The following LHFPL3 variants were observed in gnomAD, a reference collection of about 807,000 sequenced individuals.
The protein encoded by LHFPL3 is LHFPL tetraspan subfamily member 3.
LHFPL3 carries 5 observed loss-of-function variants against 19.3 expected under a neutral mutation model. The ratio of observed to expected loss-of-function variants is 0.26; its 90% CI spans 0.14 to 0.54. The LOEUF (loss-of-function observed/expected upper bound fraction) is 0.54. Ranked by LOEUF, LHFPL3 falls within the 20% of genes least tolerant of loss-of-function variation. The pLI, the probability that LHFPL3 is intolerant of heterozygous loss-of-function variation, is 0.94. For missense variants in LHFPL3, 249 were observed against 307.4 expected, an observed-to-expected ratio of 0.81 and a Z score of 1.42; for synonymous variants, 133 against 126.2, an observed-to-expected ratio of 1.05 and a Z score of -0.36.
chr7:104,365,174 A>T (rs12534139), intron 1 of LHFPL3, among the ~76,000 whole-genome samples: 1 of 151,898 alleles, frequency 6.6e-6, no homozygotes, highest in Non-Finnish European at 1.5e-5. Context: ...TAGCACATGC[A>T]TGTAATCCCA....
intron 2 of LHFPL3, among the ~76,000 whole-genome samples, chr7:104,835,210 C>T (rs1456619150): frequency 6.6e-6 from 1 of 151,972 alleles, no homozygotes; most frequent in Non-Finnish European, 1.5e-5. Context: ...GATTGGTTTG[C>T]TGAGACTAAA....
intron 1 of LHFPL3, among the ~76,000 whole-genome samples, chr7:104,540,675 T>C (rs1006696566): frequency 3.3e-5 from 5 of 152,204 alleles, no homozygotes; most frequent in African/African-American, 9.6e-5. Flanking sequence ...TTCTCACATA[T>C]AGTAAGTCAT....
chr7:104,876,444 C>A (rs7458894), intron 2 of LHFPL3, among the ~76,000 whole-genome samples: 43,078 of 151,618 alleles, frequency 0.28, 6,235 homozygotes, highest in South Asian at 0.35. Flanking sequence ...AAAAAAACAA[C>A]CCCATCAAAA....
At chr7:104,621,424 T>G (rs1688015115) in intron 1 of LHFPL3, among the ~76,000 whole-genome samples, 1 of 152,208 alleles carries the variant, frequency 6.6e-6, no homozygotes, top group African/African-American at 2.4e-5. Flanking sequence ...ATTTGCACAC[T>G]GAATTACTTT....
chr7:104,552,033 C>T (rs1012588268), intron 1 of LHFPL3, among the ~76,000 whole-genome samples: 5 of 152,172 alleles, frequency 3.3e-5, no homozygotes, highest in African/African-American at 1.2e-4. Flanking sequence ...AGAGAAGTGG[C>T]CTGGCTGGGT....
intron 1 of LHFPL3, among the ~76,000 whole-genome samples, chr7:104,376,571 A>C (rs1257592704): frequency 1.3e-5 from 2 of 152,358 alleles, no homozygotes; most frequent in Admixed American, 6.5e-5. Context: ...CAGGATGATA[A>C]GATGGGCCTG....
chr7:104,567,440 C>A (rs1393198193), intron 1 of LHFPL3, among the ~76,000 whole-genome samples: 1 of 152,168 alleles, frequency 6.6e-6, no homozygotes, highest in Non-Finnish European at 1.5e-5. Flanking sequence ...TTTGTATATT[C>A]TTTTCTTTGA....
intron 1 of LHFPL3, among the ~76,000 whole-genome samples, chr7:104,531,948 T>A (rs535558341): frequency 3.3e-5 from 5 of 152,074 alleles, no homozygotes; most frequent in Non-Finnish European, 5.9e-5. Context: ...GGTTTAACAC[T>A]GGGCACACGA....
chr7:104,566,984 G>C (rs544131197), intron 1 of LHFPL3, among the ~76,000 whole-genome samples: 33 of 152,236 alleles, frequency 2.2e-4, no homozygotes, highest in Non-Finnish European at 4.0e-4. Context: ...TCACTCTTCT[G>C]TCAGCCTCCC....
intron 1 of LHFPL3, among the ~76,000 whole-genome samples, chr7:104,558,148 T>C (rs1249922313): frequency 3.8e-4 from 57 of 151,382 alleles, no homozygotes; most frequent in Non-Finnish European, 8.0e-4. Context: ...TACGTGTGCA[T>C]GTGTCTTTAT....
intron 1 of LHFPL3, among the ~76,000 whole-genome samples, chr7:104,469,800 T>A (rs1792870811): frequency 6.6e-6 from 1 of 152,216 alleles, no homozygotes; most frequent in African/African-American, 2.4e-5. Context: ...TTATTTTTTT[T>A]GTTGGTTAGA....
intron 1 of LHFPL3, among the ~76,000 whole-genome samples, chr7:104,486,398 A>G (rs972731240): frequency 6.6e-6 from 1 of 152,202 alleles, no homozygotes; most frequent in African/African-American, 2.4e-5. Flanking sequence ...TATAAATGAT[A>G]GAAATTTATT....
chr7:104,561,802 A>T (rs1399025200), intron 1 of LHFPL3, among the ~76,000 whole-genome samples: 1 of 152,010 alleles, frequency 6.6e-6, no homozygotes, highest in Non-Finnish European at 1.5e-5. Flanking sequence ...TTTTGGCATG[A>T]TTTTGCATTG....
intron 1 of LHFPL3, among the ~76,000 whole-genome samples, chr7:104,515,235 C>T (rs1793898654): frequency 6.6e-6 from 1 of 152,152 alleles, no homozygotes; most frequent in Admixed American, 6.6e-5. Context: ...TCCAAATGCC[C>T]AGGGGGATTA....
At chr7:104,734,338 C>T (rs1482009823) in intron 1 of LHFPL3, among the ~76,000 whole-genome samples, 2 of 152,186 alleles carry the variant, frequency 1.3e-5, no homozygotes, top group Non-Finnish European at 2.9e-5. Context: ...CCATTCTCCC[C>T]GTCACTTTAA....
intron 1 of LHFPL3, among the ~76,000 whole-genome samples, chr7:104,726,740 C>A (rs1010293317): frequency 6.6e-6 from 1 of 152,112 alleles, no homozygotes; most frequent in African/African-American, 2.4e-5. Flanking sequence ...CATTAATGGG[C>A]ATTTGGGTTG....
intron 2 of LHFPL3, among the ~76,000 whole-genome samples, chr7:104,762,249 A>T (rs1794383409): frequency 6.6e-6 from 1 of 152,224 alleles, no homozygotes; most frequent in Non-Finnish European, 1.5e-5. Context: ...AGAAGGACTC[A>T]ACTACAAGTG....
chr7:104,851,165 G>GT (rs892984863), intron 2 of LHFPL3, among the ~76,000 whole-genome samples: 1 of 152,194 alleles, frequency 6.6e-6, no homozygotes, highest in African/African-American at 2.4e-5. Flanking sequence ...TGACACATTA[G>GT]TTTTTGCTCC....
intron 1 of LHFPL3, among the ~76,000 whole-genome samples, chr7:104,520,159 G>A (rs1345101155): frequency 6.6e-6 from 1 of 151,954 alleles, no homozygotes; most frequent in African/African-American, 2.4e-5. Flanking sequence ...AGCATGAAGG[G>A]TTGTTGAATT....
Sources: gnomAD v4.1 joint callset for allele counts (sites outside exome capture counted in the v4.1 genomes callset) on GRCh38, gnomAD v4.1.1 for gene constraint, MANE v1.5 for transcripts, NCBI Gene and HGNC (gene_info 2026-07-23, HGNC 2026-07-21) for gene names.